ZNF790: variants seen among roughly 807,000 people sequenced by gnomAD.
ZNF790 encodes zinc finger protein 790.
ZNF790 carries 8 observed loss-of-function variants against 12.1 expected under a neutral mutation model. That is an observed-to-expected ratio of 0.66 (90% confidence interval 0.39 to 1.19). The LOEUF (loss-of-function observed/expected upper bound fraction) is 1.19. ZNF790 is among the 50% of genes most tolerant of loss of function. The probability of loss-of-function intolerance (pLI) is 0.01; values close to 1 mark genes in which losing one functional copy is unlikely to be tolerated. For synonymous variants in ZNF790, 252 were observed against 244.3 expected (o/e 1.03, Z -0.29); for missense variants, 707 against 752.2 (o/e 0.94, Z 0.70).
chr19:36,818,608 T>C lies in ZNF790; in HGVS notation c.1736A>G (p.Glu579Gly). 6.2e-7 allele frequency: 1 copy of C among 1,611,520 alleles called. No individual in the cohort carries two copies. Among genetic ancestry groups the C allele is most frequent in the Non-Finnish European group, 8.5e-7 (1 of 1,178,198 alleles). The part of the protein sequence containing the change: ...HIFSHHSYFT[E>G]QKIHNSANLC... ...ATTTGCACTATTATGAATTTTTTGT[T>C]CAGTAAAATATGAATGGTGACTAAA... Residue 579 changes from glutamate (E) to glycine (G), a missense_variant, in exon 5 of 5, where the codon GAA (glutamate) becomes GGA (glycine). Coordinates refer to ENST00000356725, the MANE Select transcript of ZNF790 (RefSeq NM_206894.4).
At chr19:36,842,376 T>G (rs919142045), upstream of ZNF790, among the ~76,000 whole-genome samples, 5 of 152,218 alleles carry the variant, frequency 3.3e-5, no homozygotes, top group African/African-American at 1.2e-4. Flanking sequence ...CTATATGAGA[T>G]TTATAAATCA....
intron 1 of ZNF790, among the ~76,000 whole-genome samples, chr19:36,831,169 C>G (rs2071938556): frequency 6.6e-6 from 1 of 151,630 alleles, no homozygotes; most frequent in Non-Finnish European, 1.5e-5. Flanking sequence ...ACAAAAAACA[C>G]ACAAAGTTTT....
intron 4 of ZNF790, among the ~76,000 whole-genome samples, chr19:36,822,961 T>C (rs1287061955): frequency 6.6e-6 from 1 of 152,198 alleles, no homozygotes; most frequent in African/African-American, 2.4e-5. Context: ...ACAATTCTCC[T>C]GCCTCAGCCT....
intron 2 of ZNF790, among the ~76,000 whole-genome samples, chr19:36,824,351 G>T (rs939215569): frequency 2.6e-5 from 4 of 151,774 alleles, no homozygotes; most frequent in African/African-American, 4.8e-5. Flanking sequence ...CTGTCACCCA[G>T]ACCGGAGTGC....
chr19:36,818,924 CA>C lies in ZNF790; in HGVS notation c.1419del (p.Gly474ValfsTer179). ...SEFNRHQKIH[T>X]GERNYECKEC... ...TCCTTACATTCATAGTTTCTCTCAC[CA>C]GTATGAATTTTCTGATGTCGATTAA... is the stretch of plus-strand genomic sequence containing the variant. On this transcript the variant is annotated frameshift_variant, in exon 5 of 5. Coordinates refer to ENST00000356725, the MANE Select transcript of ZNF790 (RefSeq NM_206894.4). LOFTEE classifies it low-confidence loss of function (END_TRUNC). 1 of 1,610,412 alleles carries C rather than the reference CA, an allele frequency of 6.2e-7. No individual in the cohort carries two copies. Among genetic ancestry groups the C allele is most frequent in the Non-Finnish European group, 8.5e-7 (1 of 1,177,538 alleles).
At chr19:36,841,731 A>C (rs376146438), upstream of ZNF790, among the ~76,000 whole-genome samples, 35 of 150,834 alleles carry the variant, frequency 2.3e-4, no homozygotes, top group African/African-American at 8.0e-4. Flanking sequence ...AAAAATACAA[A>C]AATTAGCTGG....
Position 36,820,104 on chromosome 19 carries a change from C to T in ZNF790, c.240G>A (p.Ser80=), listed in dbSNP as rs8108379. ...ETRGPCPDMQ[S]RCQTKKLLPK... is the part of the protein sequence containing the mutation. ...GTAATAACTTCTTGGTCTGACACCT[C>T]GACTGCATGTCTGAAAAATAAGAAG... Residue 80 remains serine (S), a synonymous_variant, in exon 5 of 5, where the codon TCG becomes TCA. Transcript: ENST00000356725. 1.8e-3 allele frequency: 2,916 copies of T among 1,600,400 alleles called. 50 individuals carry two copies. The African/African-American group carries it at 0.034, about 19-fold the overall frequency.
chr19:36,836,638 TC>T (rs1176354773), intron 1 of ZNF790, among the ~76,000 whole-genome samples: 10 of 151,618 alleles, frequency 6.6e-5, no homozygotes, highest in African/African-American at 2.2e-4. Flanking sequence ...GCACCTGTAG[TC>T]CCAGCTACTC....
intron 1 of ZNF790, among the ~76,000 whole-genome samples, chr19:36,848,660 ATTTTG>A (rs1176900530): frequency 2.0e-5 from 3 of 151,858 alleles, no homozygotes; most frequent in Non-Finnish European, 4.4e-5. Context: ...TGTTTGTTGT[ATTTTG>A]TTTTGTTTTA....
intron 4 of ZNF790, among the ~76,000 whole-genome samples, chr19:36,822,962 G>A (rs992392510): frequency 7.2e-5 from 11 of 152,274 alleles, no homozygotes; most frequent in Non-Finnish European, 1.3e-4. Context: ...CAATTCTCCT[G>A]CCTCAGCCTC....
At chr19:36,827,086 ATATATG>A (rs2071824204) in intron 1 of ZNF790, among the ~76,000 whole-genome samples, 1 of 79,606 alleles carries the variant, frequency 1.3e-5, no homozygotes, top group African/African-American at 3.8e-5. Context: ...GTATGTGTGT[ATATATG>A]TGTGTGTGTG....
chr19:36,821,081 A>C (rs2071661782), intron 4 of ZNF790, among the ~76,000 whole-genome samples: 1 of 134,312 alleles, frequency 7.4e-6, no homozygotes, highest in East Asian at 2.2e-4. Flanking sequence ...ACAACAACAA[A>C]AAAATAGTTT....
In ZNF790 at chr19:36,819,108, A is replaced by G; in HGVS notation, c.1236T>C (p.His412=). ...GTTTCCTGCCAGTATGAATTCGCTG[A>G]TGTCGAGCAAGGTGTGAGCTCCAAA... ...AYIWSSHLAR[H]QRIHTGRKPY... is the part of the protein sequence containing the mutation. Residue 412 remains histidine, a synonymous_variant, in exon 5 of 5, where the codon CAT becomes CAC. Coordinates refer to ENST00000356725, the MANE Select transcript of ZNF790 (RefSeq NM_206894.4). 6.2e-7 allele frequency: 1 copy of G among 1,613,542 alleles called. No individual in the cohort carries two copies.
chr19:36,839,588 C>T (rs912443022), upstream of ZNF790, among the ~76,000 whole-genome samples: 6 of 151,934 alleles, frequency 3.9e-5, no homozygotes, highest in Non-Finnish European at 8.8e-5. Context: ...GACAGGGTCT[C>T]GCCATGTTGG....
In ZNF790 at chr19:36,819,596, C is replaced by A. The variant is rs148356621; in HGVS notation, c.748G>T (p.Gly250Cys). 1.2e-6 allele frequency: 2 copies of A among 1,608,832 alleles called. No individual in the cohort carries two copies. The highest frequency in any genetic ancestry group is 1.7e-6 in the Non-Finnish European group (2 of 1,177,484). Reference sequence around the variant, plus strand: ...TCCTTACATTTAAAAGGTTTCTCACCGGTATGAATTCTCTTATGACCAGTA... The same window carrying A: ...TCCTTACATTTAAAAGGTTTCTCACAGGTATGAATTCTCTTATGACCAGTA... Reference protein sequence around the residue: ...SLTGHKRIHTGEKPFKCKDCG... With the variant: ...SLTGHKRIHTCEKPFKCKDCG... The change falls in exon 5 of 5, where the codon GGT (glycine) becomes TGT (cysteine). Residue 250 changes from glycine to cysteine, a missense_variant. Transcript: ENST00000356725.
intron 1 of ZNF790, among the ~76,000 whole-genome samples, chr19:36,829,962 T>G (rs1268178509): frequency 6.6e-6 from 1 of 152,250 alleles, no homozygotes; most frequent in African/African-American, 2.4e-5. Flanking sequence ...AGTTTTATTT[T>G]CTATATAGAA....
chr19:36,828,805 C>G (rs1480081658), intron 1 of ZNF790, among the ~76,000 whole-genome samples: 1 of 152,188 alleles, frequency 6.6e-6, no homozygotes, highest in Non-Finnish European at 1.5e-5. Context: ...CCTGATATTC[C>G]TCCTCCTGGA....
In ZNF790 at chr19:36,844,427, G is replaced by T. The variant is rs180680051; in HGVS notation, c.-74+5575C>A. ...ACCAAAATGTGATCCTGGCATTAGA[G>T]TAAGTAGGCAAGGACTTTTTAAAAA... is the stretch of plus-strand genomic sequence containing the variant. On this transcript the variant is annotated intron_variant, in intron 1 of 4. Coordinates refer to the ZNF790 transcript ENST00000528994. 2.6e-5 allele frequency among the ~76,000 whole-genome samples: 4 copies of T among 151,506 alleles called. No homozygotes were observed. The East Asian group carries it at 7.8e-4, about 29-fold the overall frequency.
chr19:36,838,916 T>G (rs2072103513), upstream of ZNF790, among the ~76,000 whole-genome samples: 1 of 152,156 alleles, frequency 6.6e-6, no homozygotes, highest in African/African-American at 2.4e-5. This position sits in a 1 kb window ranked among gnomAD's most constrained non-coding sequence, Gnocchi z 4.4. Context: ...TGGACACCTC[T>G]TGTCCCACAA....
Sources: allele counts gnomAD v4.1 joint callset (sites outside exome capture counted in the v4.1 genomes callset), GRCh38; gene constraint gnomAD v4.1.1; non-coding constraint Gnocchi (gnomAD v3.1); transcripts MANE v1.5; gene names NCBI Gene and HGNC (gene_info 2026-07-23, HGNC 2026-07-21).